CCDC171: variants seen among roughly 807,000 people sequenced by gnomAD.
CCDC171 encodes coiled-coil domain containing 171.
In CCDC171, 177 loss-of-function variants were observed where a neutral mutation model predicts 168.2. That is an observed-to-expected ratio of 1.05 (90% CI 0.93 to 1.19). The LOEUF (loss-of-function observed/expected upper bound fraction) is 1.19, where lower values mean the gene tolerates loss of function less well. Among genes scored for constraint, CCDC171 ranks in the 50% most tolerant of loss-of-function variants. The probability of loss-of-function intolerance (pLI) is 0.00; values close to 1 mark genes in which losing one functional copy is unlikely to be tolerated. For synonymous variants in CCDC171, 687 were observed against 540.8 expected (o/e 1.27, Z -3.75); for missense variants, 1,991 against 1,539.0 (o/e 1.29, Z -4.91).
chr9:15,814,658 T>C (rs1040981057), intron 21 of CCDC171, among the ~76,000 whole-genome samples: 1 of 152,028 alleles, frequency 6.6e-6, no homozygotes, highest in Non-Finnish European at 1.5e-5. Flanking sequence ...CAATTGCGTA[T>C]GAAACACACT....
intron 6 of CCDC171, among the ~76,000 whole-genome samples, chr9:15,597,463 G>A (rs1436019783): frequency 6.6e-6 from 1 of 152,148 alleles, no homozygotes; most frequent in Non-Finnish European, 1.5e-5. Context: ...ATTTGCATAT[G>A]TTGAACCAGC....
At chr9:15,945,268 C>A (rs967580786) in intron 25 of CCDC171, among the ~76,000 whole-genome samples, 1 of 149,394 alleles carries the variant, frequency 6.7e-6, no homozygotes, top group Non-Finnish European at 1.5e-5. Flanking sequence ...TTTTCTTAAT[C>A]CAGTCTATCG....
chr9:15,888,443 A>C (rs918415662), intron 24 of CCDC171, among the ~76,000 whole-genome samples: 1 of 152,216 alleles, frequency 6.6e-6, no homozygotes, highest in Non-Finnish European at 1.5e-5. Flanking sequence ...AAATAATTAC[A>C]TAAAGTAATG....
At position 15,657,207 on chromosome 9, in the gene CCDC171, T is replaced by A; in HGVS notation, c.903T>A (p.Ser301=). 1 of 1,602,274 alleles carries A rather than the reference T, an allele frequency of 6.2e-7. No individual in the cohort carries two copies. The highest frequency in any genetic ancestry group is 8.5e-7 in the Non-Finnish European group (1 of 1,170,604). Reference sequence around the variant, plus strand: ...CGCATTTGGAATCAAAATTTAATTCTGAAATTATTCAGGTAAAATGTAAAC... The same window carrying A: ...CGCATTTGGAATCAAAATTTAATTCAGAAATTATTCAGGTAAAATGTAAAC... ...RAAHLESKFN[S]EIIQLRIRDL... The change falls in exon 8 of 26, where the codon TCT becomes TCA. Residue 301 remains serine, a synonymous_variant. Coordinates refer to ENST00000380701, the MANE Select transcript of CCDC171 (RefSeq NM_173550.4).
At chr9:15,629,025 T>A (rs376675290) in intron 7 of CCDC171, among the ~76,000 whole-genome samples, 20 of 151,972 alleles carry the variant, frequency 1.3e-4, no homozygotes, top group Admixed American at 1.1e-3. Flanking sequence ...CCAAAAACCC[T>A]TCTGTACATC....
chr9:15,790,374 G>C (rs561993098), intron 21 of CCDC171, among the ~76,000 whole-genome samples: 3 of 152,136 alleles, frequency 2.0e-5, no homozygotes, highest in Non-Finnish European at 4.4e-5. Context: ...TCATGTGTCT[G>C]TTGGCTGCAT....
At chr9:15,909,695 A>C (rs920360838) in intron 24 of CCDC171, among the ~76,000 whole-genome samples, 1 of 152,082 alleles carries the variant, frequency 6.6e-6, no homozygotes. Flanking sequence ...AATATTATTA[A>C]AATATTGGAA....
At chr9:15,783,551 T>A (rs1203967339) in intron 20 of CCDC171, among the ~76,000 whole-genome samples, 1 of 152,222 alleles carries the variant, frequency 6.6e-6, no homozygotes, top group Non-Finnish European at 1.5e-5. Flanking sequence ...ATCGTTCCTT[T>A]GAGTTTTCCA....
the CCDC171 span, among the ~76,000 whole-genome samples, chr9:16,074,617 A>G: frequency 6.6e-6 from 1 of 152,302 alleles, no homozygotes; most frequent in African/African-American, 2.4e-5. Context: ...CTAATAATTC[A>G]AGGCTTTGTG....
At chr9:15,969,005 G>A (rs1003123071) in intron 25 of CCDC171, among the ~76,000 whole-genome samples, 2 of 152,058 alleles carry the variant, frequency 1.3e-5, no homozygotes, top group Admixed American at 6.5e-5. Context: ...CTATACTTTT[G>A]GGGGGTACAA....
At chr9:16,065,809 GGTGTGTGT>G (rs113107786), downstream of CCDC171, among the ~76,000 whole-genome samples, 1,942 of 144,328 alleles carry the variant, frequency 0.013, 50 homozygotes, top group African/African-American at 0.048. Context: ...TTGTGTGCAT[GGTGTGTGT>G]GTGTGTGTGT....
chr9:15,802,225 T>A (rs1412490196), intron 21 of CCDC171, among the ~76,000 whole-genome samples: 1 of 151,942 alleles, frequency 6.6e-6, no homozygotes, highest in African/African-American at 2.4e-5. Context: ...TATTTATTTT[T>A]AAATTTATTT....
At chr9:16,043,305 C>A (rs977461682) in intron 1 of CCDC171, among the ~76,000 whole-genome samples, 2 of 151,852 alleles carry the variant, frequency 1.3e-5, no homozygotes, top group Admixed American at 6.6e-5. Flanking sequence ...ATTAGTGTAT[C>A]CTTGTTCTTA....
At chr9:15,610,544 C>G (rs1386274360) in intron 6 of CCDC171, among the ~76,000 whole-genome samples, 1 of 142,142 alleles carries the variant, frequency 7.0e-6, no homozygotes, top group Non-Finnish European at 1.5e-5. Context: ...AGGAGAATCA[C>G]TTGAACCTGG....
chr9:15,863,999 C>T (rs1289141489), intron 23 of CCDC171, among the ~76,000 whole-genome samples: 5 of 152,078 alleles, frequency 3.3e-5, no homozygotes, highest in Non-Finnish European at 7.4e-5. Flanking sequence ...TCACGTATAG[C>T]AACTGAAGTC....
At chr9:15,671,258 G>A (rs372133586) in intron 9 of CCDC171, among the ~76,000 whole-genome samples, 7 of 151,926 alleles carry the variant, frequency 4.6e-5, no homozygotes, top group Non-Finnish European at 8.8e-5. Context: ...CCTCAGAGAC[G>A]CTATCATTTT....
intron 21 of CCDC171, among the ~76,000 whole-genome samples, chr9:15,805,778 C>G (rs1366006580): frequency 1.3e-5 from 2 of 152,088 alleles, no homozygotes; most frequent in African/African-American, 4.8e-5. Flanking sequence ...TGATCCTGAG[C>G]TAAGTTCAGG....
intron 24 of CCDC171, among the ~76,000 whole-genome samples, chr9:15,877,029 A>G (rs921034500): frequency 6.6e-6 from 1 of 152,172 alleles, no homozygotes; most frequent in Non-Finnish European, 1.5e-5. Context: ...GAAAGAGACC[A>G]GTGAGCATTA....
At chr9:15,569,634 T>C (rs1262548693) in intron 2 of CCDC171, among the ~76,000 whole-genome samples, 1 of 151,616 alleles carries the variant, frequency 6.6e-6, no homozygotes, top group African/African-American at 2.4e-5. Context: ...GCTAACACGG[T>C]GAAACCCCGT....
Sources: allele counts gnomAD v4.1 joint callset (sites outside exome capture counted in the v4.1 genomes callset), GRCh38; gene constraint gnomAD v4.1.1; transcripts MANE v1.5; gene names NCBI Gene and HGNC (gene_info 2026-07-23, HGNC 2026-07-21).